Variants in DDX5 observed in about 807,000 individuals in gnomAD.
The protein encoded by DDX5 is probable ATP-dependent RNA helicase DDX5.
A neutral mutation model predicts 68.6 loss-of-function variants in DDX5; 6 were observed. The observed-to-expected ratio is 0.09, with a 90% confidence interval of 0.05 to 0.17. The LOEUF (loss-of-function observed/expected upper bound fraction) is 0.17. Among genes scored for constraint, DDX5 ranks in the 10% least tolerant of loss-of-function variants. The pLI, the probability that DDX5 is intolerant of heterozygous loss-of-function variation, is 1.00. For missense variants in DDX5, 499 were observed against 756.1 expected (o/e 0.66, Z 3.99); for synonymous variants, 350 against 247.0 (o/e 1.42, Z -3.91).
At chr17:64,505,415 AG>A in intron 1 of DDX5, 1 of 530,756 alleles carries the variant, frequency 1.9e-6, no homozygotes, top group Non-Finnish European at 3.4e-6. Context: ...GCAGGAAAAA[AG>A]AAAAGGAGGA....
chr17:64,501,139 AG>A (rs1555671038), intron 11 of DDX5: 2 of 243,668 alleles, frequency 8.2e-6, no homozygotes, highest in Non-Finnish European at 1.6e-5. Flanking sequence ...GCTCATTTTG[AG>A]GACCTTGAAA....
rs59649175 is a variant in DDX5, at chr17:64,499,534, AC to A, written c.*388del. 0.19 allele frequency: 41,613 copies of A among 222,284 alleles called. 7,387 individuals carry two copies. Among genetic ancestry groups the A allele is most frequent in the African/African-American group, 0.6 (23,434 of 39,368 alleles). 13.8% of individuals were successfully genotyped at this position (222,284 alleles called of 1,614,324 possible). The stretch of plus-strand genomic sequence containing the variant: ...TCATTTGTTTTCATGGAAAAAAAAA[AC>A]CAAACAAAAACAAAAAAAAAACCAG... On this transcript the variant is annotated 3_prime_UTR_variant, in exon 13 of 13. Transcript: ENST00000225792.
chr17:64,500,197 C>G lies in DDX5; in HGVS notation c.1571G>C (p.Arg524Thr). The G allele has an allele frequency of 6.2e-7, 1 of 1,614,206 alleles. No individual in the cohort carries two copies. The highest frequency in any genetic ancestry group is 8.5e-7 in the Non-Finnish European group (1 of 1,180,040). Reference sequence around the variant, plus strand: ...ATTCTGAGTTTTTGCCCCAAAATCTCTTTTAAGCAGGCTAGAGTAACCTCT... The same window carrying G: ...ATTCTGAGTTTTTGCCCCAAAATCTGTTTTAAGCAGGCTAGAGTAACCTCT... ...YDRGYSSLLK[R>T]DFGAKTQNGV... Residue 524 changes from arginine (R) to threonine (T), a missense_variant, in exon 13 of 13, where the codon AGA becomes ACA. Physicochemically the swap from Arg to Thr is moderately conservative, Grantham distance 71. This residue lies in a region of DDX5 where 171 missense variants were observed against 174.8 expected (regional missense o/e 0.98). Transcript: ENST00000225792.
At chr17:64,502,131 G>A (rs782508615) in intron 10 of DDX5, 31 bp downstream of exon 10, 98 of 1,613,652 alleles carry the variant, frequency 6.1e-5, no homozygotes, top group Non-Finnish European at 7.4e-5. Flanking sequence ...GGTTAAGTAA[G>A]GGGGAAAAAT....
chr17:64,501,780 G>T, intron 11 of DDX5: 2 of 581,894 alleles, frequency 3.4e-6, no homozygotes, highest in South Asian at 4.3e-5. Context: ...ACTGGCACAC[G>T]TTCAGCTTTT....
chr17:64,505,958 G>A (rs1403049544), intron 1 of DDX5, 118 bp downstream of exon 1: 5 of 1,538,260 alleles, frequency 3.3e-6, no homozygotes, highest in Non-Finnish European at 4.4e-6. Context: ...GGGAAAGGAA[G>A]TCCCAAGATA....
chr17:64,502,375 TC>T lies in DDX5; in HGVS notation c.1094+63del. 2.1e-6 allele frequency: 3 copies of T among 1,454,578 alleles called. No individual in the cohort carries two copies. The East Asian group carries it at 6.8e-5, about 33-fold the overall frequency. The allele number at this position is 1,454,578 out of a possible 1,614,324, so 90.1% of individuals were successfully genotyped here. A position where few individuals can be genotyped will look rare whatever the true frequency, so the allele number is the denominator to read the frequency against. The stretch of plus-strand genomic sequence containing the variant: ...TATGAAAAAAATCCACTGCTCGTGA[TC>T]CAAGTTTGCCCTTTCCTAAGCTGTT... On this transcript the variant is annotated intron_variant, in intron 9 of 12. Transcript: ENST00000225792.
At chr17:64,502,692 C>T (rs1379489269) in intron 8 of DDX5, 143 bp from the exon 9 acceptor site, 1 of 725,810 alleles carries the variant, frequency 1.4e-6, no homozygotes, top group Non-Finnish European at 2.2e-6. Context: ...ACTTATCGAG[C>T]AGTTCGACCC....
At position 64,499,867 on chromosome 17, in the gene DDX5, C is replaced by T. The variant is rs782646834; in HGVS notation, c.*56G>A. ...CTTAAATAACTATCTTGTCAGATAA[C>T]ACACAATATAAAGAGCAATTATGAA... is the stretch of plus-strand genomic sequence containing the variant. On this transcript the variant is annotated 3_prime_UTR_variant, in exon 13 of 13. Coordinates refer to ENST00000225792, the MANE Select transcript of DDX5 (RefSeq NM_004396.5). The T allele has an allele frequency of 2.8e-5, 41 of 1,455,532 alleles. No homozygotes were observed. Among genetic ancestry groups the T allele is most frequent in the Non-Finnish European group, 3.3e-5 (36 of 1,089,408 alleles). The allele number at this position is 1,455,532 out of a possible 1,614,324, so 90.2% of individuals were successfully genotyped here. A position where few individuals can be genotyped will look rare whatever the true frequency, so the allele number is the denominator to read the frequency against.
chr17:64,504,528 TC>T (rs782665125), intron 2 of DDX5, 148 bp downstream of exon 2: 125 of 1,081,886 alleles, frequency 1.2e-4, no homozygotes, highest in Admixed American at 5.4e-4. Context: ...GCCACCTATA[TC>T]CAAAAGTGAG....
At chr17:64,502,287 C>T (rs782251343) in intron 9 of DDX5, 64 bp from the exon 10 acceptor site, 2 of 1,569,078 alleles carry the variant, frequency 1.3e-6, no homozygotes, top group Non-Finnish European at 1.8e-6. Context: ...CAGTGCTTGA[C>T]CACTTTTGGT....
chr17:64,506,048 G>A (rs782595666), intron 1 of DDX5, 28 bp downstream of exon 1: 13 of 542,100 alleles, frequency 2.4e-5, no homozygotes, highest in African/African-American at 1.8e-4. Context: ...CCACCCGCCA[G>A]GCCTGACAGC....
intron 1 of DDX5, chr17:64,505,527 C>T: frequency 1.6e-6 from 1 of 614,686 alleles, no homozygotes; most frequent in Non-Finnish European, 2.9e-6. Context: ...TTTCTCTCTG[C>T]GCCACATTTT....
At chr17:64,505,128 G>A (rs566119286) in intron 1 of DDX5, 6 of 333,076 alleles carry the variant, frequency 1.8e-5, no homozygotes, top group Non-Finnish European at 2.7e-5. Context: ...GCCAGAATTT[G>A]GGATTCTGGC....
intron 9 of DDX5, 29 bp downstream of exon 9, chr17:64,502,410 T>C (rs1555671280): frequency 3.9e-6 from 6 of 1,543,030 alleles, no homozygotes; most frequent in Non-Finnish European, 5.4e-6. Flanking sequence ...TTTTAATCAA[T>C]CTGCTTCAAT....
At chr17:64,501,667 A>T in intron 11 of DDX5, 1 of 325,256 alleles carries the variant, frequency 3.1e-6, no homozygotes, top group South Asian at 4.7e-5. Flanking sequence ...AGCATGGGAC[A>T]GAAGAAATAC....
At chr17:64,506,657 CGTT>C (rs1241646019), upstream of DDX5, 19 of 366,006 alleles carry the variant, frequency 5.2e-5, no homozygotes, top group Non-Finnish European at 1.5e-5. Flanking sequence ...CGGGGCCTGG[CGTT>C]GTCACGTGGC....
chr17:64,501,828 C>T, intron 11 of DDX5, 182 bp downstream of exon 11: 1 of 623,562 alleles, frequency 1.6e-6, no homozygotes, highest in East Asian at 2.7e-5. Context: ...CAGCCGATCA[C>T]TAGTCCTCCA....
At chr17:64,505,822 C>T in intron 1 of DDX5, 1 of 1,536,190 alleles carries the variant, frequency 6.5e-7, no homozygotes, top group Non-Finnish European at 8.7e-7. Context: ...ACTCCCTCAA[C>T]AGCTACCAAA....
Sources: allele counts gnomAD v4.1 joint callset, GRCh38; gene constraint gnomAD v4.1.1; regional missense constraint gnomAD v4.1.1; transcripts MANE v1.5; gene names NCBI Gene and HGNC (gene_info 2026-07-23, HGNC 2026-07-21).